DHDDS: variants seen among roughly 807,000 people sequenced by gnomAD.
DHDDS encodes the protein dehydrodolichyl diphosphate synthase subunit, also known as dehydrodolichyl diphosphate synthase complex subunit DHDDS.
Under a neutral mutation model 46.2 loss-of-function variants are expected in DHDDS, and 16 were observed. The ratio of observed to expected loss-of-function variants is 0.35; its 90% CI spans 0.23 to 0.53. The LOEUF is 0.53. Among genes scored for constraint, DHDDS ranks in the 20% least tolerant of loss-of-function variants. The pLI, the probability that DHDDS is intolerant of heterozygous loss-of-function variation, is 0.94. For missense variants in DHDDS, 340 were observed against 423.7 expected (o/e 0.80, Z 1.73); for synonymous variants, 151 against 163.1 (o/e 0.93, Z 0.56).
At chr1:26,447,994 C>A (rs1477957887) in intron 6 of DHDDS, 2 of 542,328 alleles carry the variant, frequency 3.7e-6, no homozygotes, top group Non-Finnish European at 6.5e-6. Flanking sequence ...AACTAGAGTT[C>A]ACCACACACC....
At chr1:26,441,203 G>T (rs879371725) in intron 3 of DHDDS, among the ~76,000 whole-genome samples, 1 of 151,526 alleles carries the variant, frequency 6.6e-6, no homozygotes, top group Admixed American at 6.6e-5. Context: ...GATTATAGGT[G>T]TGAGCCACCA....
intron 2 of DHDDS, among the ~76,000 whole-genome samples, chr1:26,437,130 A>G (rs1422249559): frequency 6.6e-6 from 1 of 152,044 alleles, no homozygotes; most frequent in Non-Finnish European, 1.5e-5. Context: ...AGATCGTGCC[A>G]CTGCACTCCA....
chr1:26,449,857 C>T (rs1046750246), intron 6 of DHDDS, among the ~76,000 whole-genome samples: 2 of 152,204 alleles, frequency 1.3e-5, no homozygotes, highest in African/African-American at 4.8e-5. Flanking sequence ...CCGCGCCCGG[C>T]GGTTTTAGAC....
At chr1:26,438,588 G>C (rs567040529) in intron 3 of DHDDS, 1 of 364,616 alleles carries the variant, frequency 2.7e-6, no homozygotes, top group Admixed American at 3.8e-5. Context: ...AGCCAGACTT[G>C]ATGGTGCACA....
At chr1:26,438,032 T>C (rs1442159852) in intron 2 of DHDDS, 136 bp from the exon 3 acceptor site, 1 of 865,652 alleles carries the variant, frequency 1.2e-6, no homozygotes, top group African/African-American at 1.7e-5. Context: ...TTTACTGAGT[T>C]AAAAGCACAA....
At chr1:26,458,699 C>T (rs2124494033) in intron 7 of DHDDS, among the ~76,000 whole-genome samples, 1 of 144,932 alleles carries the variant, frequency 6.9e-6, no homozygotes, top group South Asian at 2.2e-4. Flanking sequence ...GATCGTGCCA[C>T]TGCACTCCAG....
Position 26,442,784 on chromosome 1 carries a change from C to G in DHDDS, c.234C>G (p.Phe78Leu). Residue 78 changes from phenylalanine to leucine, a missense_variant, in exon 4 of 9, where the codon TTC becomes TTG. Coordinates refer to ENST00000236342, the MANE Select transcript of DHDDS (RefSeq NM_205861.3). Reference sequence around the variant, plus strand: ...TCCTAGAGGTGACAGTCTACGCATTCAGCATTGAGAACTTCAAACGCTCCA... The same window carrying G: ...TCCTAGAGGTGACAGTCTACGCATTGAGCATTGAGAACTTCAAACGCTCCA... ...LGILEVTVYA[F>L]SIENFKRSKS... The G allele has an allele frequency of 6.2e-7, 1 of 1,614,152 alleles. No individual in the cohort carries two copies. Among genetic ancestry groups the G allele is most frequent in the South Asian group, 1.1e-5 (1 of 91,082 alleles).
At chr1:26,455,984 C>T (rs935122288) in intron 6 of DHDDS, among the ~76,000 whole-genome samples, 1 of 152,168 alleles carries the variant, frequency 6.6e-6, no homozygotes, top group East Asian at 1.9e-4. Context: ...AGCCAACAGA[C>T]ACCAGCCATG....
chr1:26,446,254 C>A (rs1025529766), intron 4 of DHDDS, 62 bp from the exon 5 acceptor site: 1 of 1,493,926 alleles, frequency 6.7e-7, no homozygotes, highest in South Asian at 1.1e-5. Flanking sequence ...ATTACCTGAG[C>A]ACCTTGCTCT....
intron 6 of DHDDS, among the ~76,000 whole-genome samples, chr1:26,452,879 G>A (rs1056062354): frequency 2.0e-5 from 3 of 152,034 alleles, no homozygotes; most frequent in African/African-American, 7.3e-5. Context: ...CAGGAAAATC[G>A]CTTGAGCCCT....
In DHDDS at chr1:26,446,413, G is replaced by A. The variant is rs764886771; in HGVS notation, c.421G>A (p.Ala141Thr). The change falls in exon 5 of 9, where the codon GCC becomes ACC. Residue 141 changes from alanine (A) to threonine (T), a missense_variant. Ala to Thr is a moderately conservative substitution (Grantham distance 58, BLOSUM62 0). Coordinates refer to ENST00000236342, the MANE Select transcript of DHDDS (RefSeq NM_205861.3). The part of the protein sequence containing the change: ...LQELIAQAVQ[A>T]TKNYNKCFLN... ...GGAGCTGATTGCACAAGCTGTACAG[G>A]CCACGAAGAACTACAACAAGTAAGT... The A allele has an allele frequency of 6.2e-7, 1 of 1,613,850 alleles. No individual in the cohort carries two copies. Among genetic ancestry groups the A allele is most frequent in the South Asian group, 1.1e-5 (1 of 91,074 alleles).
At chr1:26,459,318 C>G (rs1478704009) in intron 7 of DHDDS, among the ~76,000 whole-genome samples, 1 of 152,118 alleles carries the variant, frequency 6.6e-6, no homozygotes, top group Non-Finnish European at 1.5e-5. Context: ...ACTAGTTATC[C>G]CCCATGAGGT....
chr1:26,439,642 G>GTGAC (rs2075197939), intron 3 of DHDDS, among the ~76,000 whole-genome samples: 2 of 152,236 alleles, frequency 1.3e-5, no homozygotes, highest in African/African-American at 4.8e-5. Flanking sequence ...CGAACATTGA[G>GTGAC]TGACTACTCA....
chr1:26,436,987 G>A (rs1375936051), intron 2 of DHDDS, among the ~76,000 whole-genome samples: 1 of 151,676 alleles, frequency 6.6e-6, no homozygotes, highest in Admixed American at 6.6e-5. Flanking sequence ...TGGCTAACAC[G>A]GTGAAACCCC....
chr1:26,456,224 T>G (rs2075368816), intron 6 of DHDDS, among the ~76,000 whole-genome samples: 1 of 152,104 alleles, frequency 6.6e-6, no homozygotes, highest in Non-Finnish European at 1.5e-5. Flanking sequence ...AAAAATAAAT[T>G]AGCTGAGCAT....
chr1:26,454,874 T>G (rs2075356210), intron 6 of DHDDS: 2 of 1,593,146 alleles, frequency 1.3e-6, no homozygotes, highest in South Asian at 2.2e-5. Flanking sequence ...ATTTAAACCC[T>G]TAAGTTCAGC....
At chr1:26,457,672 G>C in intron 6 of DHDDS, 119 bp from the exon 7 acceptor site, 1 of 767,134 alleles carries the variant, frequency 1.3e-6, no homozygotes, top group Admixed American at 1.9e-5. Flanking sequence ...ATTGGCTAGT[G>C]TATTTGATGG....
intron 8 of DHDDS, among the ~76,000 whole-genome samples, chr1:26,460,381 T>C (rs1447671281): frequency 2.0e-5 from 3 of 152,192 alleles, no homozygotes; most frequent in Admixed American, 1.3e-4. Context: ...CCCTCCCTTA[T>C]GTAAGTAAGC....
intron 3 of DHDDS, among the ~76,000 whole-genome samples, chr1:26,439,098 T>C (rs1168396867): frequency 6.6e-6 from 1 of 152,106 alleles, no homozygotes; most frequent in African/African-American, 2.4e-5. Context: ...CCAACTAATT[T>C]TTTTGTATTT....
Sources: gnomAD v4.1 joint callset for allele counts (sites outside exome capture counted in the v4.1 genomes callset) on GRCh38, gnomAD v4.1.1 for gene constraint, MANE v1.5 for transcripts, NCBI Gene and HGNC (gene_info 2026-07-23, HGNC 2026-07-21) for gene names.